GFRA2: variants seen among roughly 807,000 people sequenced by gnomAD.
GFRA2 encodes GDNF family receptor alpha-2.
GFRA2 carries 17 observed loss-of-function variants against 48.3 expected under a neutral mutation model. That is an observed-to-expected ratio of 0.35 (90% CI 0.24 to 0.53). The LOEUF (loss-of-function observed/expected upper bound fraction) is 0.53, where lower values mean the gene tolerates loss of function less well. Ranked by LOEUF, GFRA2 falls within the 20% of genes least tolerant of loss-of-function variation. GFRA2 has a pLI of 0.93. For missense variants in GFRA2, 660 were observed against 637.3 expected (o/e 1.04, Z -0.38); for synonymous variants, 305 against 257.2 (o/e 1.19, Z -1.78).
chr8:21,799,647 T>C (rs912249292), intron 2 of GFRA2, among the ~76,000 whole-genome samples: 30 of 152,312 alleles, frequency 2.0e-4, no homozygotes, highest in African/African-American at 7.2e-4. Flanking sequence ...TAAACTGCCT[T>C]ATTCTTACCT....
chr8:21,723,946 C>A (rs910065697), intron 4 of GFRA2, among the ~76,000 whole-genome samples: 4 of 152,098 alleles, frequency 2.6e-5, no homozygotes, highest in Admixed American at 2.6e-4. Context: ...AACAGACAAG[C>A]CCCAGGGAAG....
At chr8:21,731,095 T>G (rs553543911) in intron 4 of GFRA2, among the ~76,000 whole-genome samples, 72 of 152,238 alleles carry the variant, frequency 4.7e-4, no homozygotes, top group Middle Eastern at 3.4e-3. Flanking sequence ...TCTTTCTGCC[T>G]GATCCTCCCA....
chr8:21,768,480 C>T (rs1167701660), intron 3 of GFRA2, among the ~76,000 whole-genome samples: 2 of 152,162 alleles, frequency 1.3e-5, no homozygotes, highest in African/African-American at 4.8e-5. Flanking sequence ...ACCAGCCCGA[C>T]CTGCTGAAAC....
At chr8:21,758,228 C>T (rs1805682773) in intron 3 of GFRA2, among the ~76,000 whole-genome samples, 1 of 143,600 alleles carries the variant, frequency 7.0e-6, no homozygotes, top group South Asian at 2.2e-4. Flanking sequence ...CACACACACA[C>T]CTCACCCAGC....
intron 4 of GFRA2, among the ~76,000 whole-genome samples, chr8:21,728,966 C>G (rs1026360264): frequency 6.6e-6 from 1 of 152,178 alleles, no homozygotes. Context: ...ACAGCAGAAT[C>G]GGGCATTTAG....
At chr8:21,757,229 C>T (rs1805614075) in intron 3 of GFRA2, among the ~76,000 whole-genome samples, 1 of 152,150 alleles carries the variant, frequency 6.6e-6, no homozygotes, top group Non-Finnish European at 1.5e-5. Flanking sequence ...TGCCCTGCCG[C>T]AGCCACACCC....
intron 3 of GFRA2, among the ~76,000 whole-genome samples, chr8:21,761,343 A>T (rs1179114180): frequency 6.6e-6 from 1 of 152,244 alleles, no homozygotes; most frequent in African/African-American, 2.4e-5. Context: ...CTCACATTCT[A>T]GCTCAGGTGA....
At chr8:21,694,876 C>A (rs1490422884) in intron 7 of GFRA2, among the ~76,000 whole-genome samples, 1 of 152,200 alleles carries the variant, frequency 6.6e-6, no homozygotes, top group Non-Finnish European at 1.5e-5. Flanking sequence ...TGGTTCATAA[C>A]AACAACTCAA....
Position 21,758,005 on chromosome 8 carries a change from C to G in GFRA2, c.440-7063G>C, listed in dbSNP as rs73219558. 4.1e-3 allele frequency among the ~76,000 whole-genome samples: 628 copies of G among 152,248 alleles called. 3 individuals carry two copies. The highest frequency in any genetic ancestry group is 6.2e-3 in the Non-Finnish European group (420 of 68,016). On this transcript the variant is annotated intron_variant, in intron 3 of 8. Coordinates refer to ENST00000524240, the MANE Select transcript of GFRA2 (RefSeq NM_001495.5). ...TTCTAGCAGTGGTGTGCAATGCACT[C>G]GGAGGGGGAAGTCACCGGTTTAGAG...
intron 4 of GFRA2, among the ~76,000 whole-genome samples, chr8:21,725,009 T>C (rs1336632866): frequency 6.6e-6 from 1 of 152,210 alleles, no homozygotes; most frequent in Non-Finnish European, 1.5e-5. Flanking sequence ...CGGCTAGGCC[T>C]TCCTCCTACT....
Position 21,741,666 on chromosome 8 carries a change from G to C in GFRA2, c.794+8922C>G, listed in dbSNP as rs148267128. 1.6e-3 allele frequency among the ~76,000 whole-genome samples: 250 copies of C among 152,284 alleles called. 2 individuals carry two copies. Among genetic ancestry groups the C allele is most frequent in the African/African-American group, 5.8e-3 (239 of 41,562 alleles). ...TGGCCAAGCCCACTGGCTCACACCT[G>C]TAATCCCAGCACTTTGGGAGGCTGA... On this transcript the variant is annotated intron_variant, in intron 4 of 8. Coordinates refer to ENST00000524240, the MANE Select transcript of GFRA2 (RefSeq NM_001495.5).
chr8:21,701,577 T>C (rs1333749632), intron 7 of GFRA2, among the ~76,000 whole-genome samples: 2 of 152,114 alleles, frequency 1.3e-5, no homozygotes, highest in African/African-American at 4.8e-5. Flanking sequence ...ACTTAGTCTG[T>C]AGGCCTCCAG....
intron 3 of GFRA2, among the ~76,000 whole-genome samples, chr8:21,756,100 C>T (rs1260793824): frequency 3.3e-5 from 5 of 152,186 alleles, no homozygotes; most frequent in Admixed American, 6.5e-5. Flanking sequence ...CAACTGCAAG[C>T]GGAACAGCAG....
intron 4 of GFRA2, among the ~76,000 whole-genome samples, chr8:21,728,703 C>T (rs1272865338): frequency 6.6e-6 from 1 of 152,166 alleles, no homozygotes; most frequent in Non-Finnish European, 1.5e-5. Flanking sequence ...AGTTTCTGCT[C>T]GACCTTATCA....
intron 3 of GFRA2, among the ~76,000 whole-genome samples, chr8:21,767,361 C>T (rs1420152340): frequency 4.6e-5 from 7 of 152,184 alleles, no homozygotes; most frequent in Admixed American, 3.9e-4. Context: ...ATATGCCATG[C>T]GTACTTACAC....
intron 3 of GFRA2, among the ~76,000 whole-genome samples, chr8:21,756,996 G>A (rs1472439808): frequency 2.0e-5 from 3 of 152,264 alleles, no homozygotes; most frequent in Non-Finnish European, 1.5e-5. Context: ...AGAGGGAGGC[G>A]GGATTTAACA....
intron 8 of GFRA2, 65 bp downstream of exon 8, chr8:21,694,399 C>A (rs1011803356): frequency 7.5e-6 from 11 of 1,472,412 alleles, no homozygotes; most frequent in Admixed American, 1.8e-5. Context: ...TGAGGCTCGC[C>A]GGGGAAATGC....
At chr8:21,709,811 C>T (rs1209769681) in intron 4 of GFRA2, among the ~76,000 whole-genome samples, 1 of 152,202 alleles carries the variant, frequency 6.6e-6, no homozygotes, top group Non-Finnish European at 1.5e-5. Flanking sequence ...CTCAGGACCT[C>T]GACTGGCCTC....
In GFRA2 at chr8:21,775,031, G is replaced by A; in HGVS notation, c.380C>T (p.Pro127Leu). Reference protein sequence around the residue: ...TEGEEFYEASPYEPVTSRLSD... With the variant: ...TEGEEFYEASLYEPVTSRLSD... ...GAGGCGGGAGGTCACCGGCTCATAG[G>A]GGGAGGCTTCGTAGAACTCCTCACC... The change falls in exon 3 of 9, where the codon CCC becomes CTC. Residue 127 changes from proline to leucine, a missense_variant. Coordinates refer to ENST00000524240, the MANE Select transcript of GFRA2 (RefSeq NM_001495.5). The A allele has an allele frequency of 2.5e-6, 4 of 1,600,988 alleles. No individual in the cohort carries two copies. Among genetic ancestry groups the A allele is most frequent in the Admixed American group, 1.7e-5 (1 of 59,966 alleles).
Sources: allele counts gnomAD v4.1 joint callset (sites outside exome capture counted in the v4.1 genomes callset), GRCh38; gene constraint gnomAD v4.1.1; transcripts MANE v1.5; gene names NCBI Gene and HGNC (gene_info 2026-07-23, HGNC 2026-07-21).